Variants in REM1 observed in about 807,000 individuals in gnomAD.
The protein encoded by REM1 is RRAD and GEM like GTPase 1, also known as GTP-binding protein REM 1.
REM1 carries 20 observed loss-of-function variants against 27.0 expected under a neutral mutation model. The observed-to-expected ratio is 0.74, with a 90% CI of 0.52 to 1.08. The LOEUF (loss-of-function observed/expected upper bound fraction) is 1.08. REM1 is among the 50% of genes least tolerant of loss of function. REM1 has a pLI of 0.00. For missense variants in REM1, 405 were observed against 407.0 expected, an observed-to-expected ratio of 1.00 and a Z score of 0.04; for synonymous variants, 159 against 167.9, an observed-to-expected ratio of 0.95 and a Z score of 0.41.
rs1336146999 is a variant in REM1, at chr20:31,475,538, AC to A, written c.-220+176del. Among the ~76,000 whole-genome samples the A allele has an allele frequency of 6.6e-6, 1 of 152,050 alleles. No individual in the cohort carries two copies. Among genetic ancestry groups the A allele is most frequent in the African/African-American group, 2.4e-5 (1 of 41,388 alleles). Reference sequence around the variant, plus strand: ...GAGGGCTGGATAGCCCTGGACAAAGACCCCTCCAACCCCAGGATGGGGGATT... The same window carrying A: ...GAGGGCTGGATAGCCCTGGACAAAGACCCTCCAACCCCAGGATGGGGGATT... On this transcript the variant is annotated intron_variant, in intron 1 of 4. Coordinates refer to ENST00000201979, the MANE Select transcript of REM1 (RefSeq NM_014012.6). The surrounding 1 kb of genome is among the most constrained non-coding windows in gnomAD (Gnocchi z 5.0).
At chr20:31,479,694 T>C (rs901836093) in intron 3 of REM1, among the ~76,000 whole-genome samples, 1 of 152,180 alleles carries the variant, frequency 6.6e-6, no homozygotes, top group Non-Finnish European at 1.5e-5. Flanking sequence ...CGCTACATGG[T>C]ACTCTGATAT....
Position 31,475,781 on chromosome 20 carries a change from G to A in REM1, c.-220+415G>A, listed in dbSNP as rs1053609542. Reference sequence around the variant, plus strand: ...TTCACACAGGGGGCGGGTCAGACACGCGGTTCCCATGGCACTAGGGCACTC... The same window carrying A: ...TTCACACAGGGGGCGGGTCAGACACACGGTTCCCATGGCACTAGGGCACTC... On this transcript the variant is annotated intron_variant, in intron 1 of 4. Coordinates refer to ENST00000201979, the MANE Select transcript of REM1 (RefSeq NM_014012.6). The surrounding 1 kb of genome is among the most constrained non-coding windows in gnomAD (Gnocchi z 5.0). Among the ~76,000 whole-genome samples the A allele has an allele frequency of 6.6e-6, 1 of 152,214 alleles. No homozygotes were observed. The highest frequency in any genetic ancestry group is 2.4e-5 in the African/African-American group (1 of 41,458).
At position 31,476,282 on chromosome 20, in the gene REM1, A is replaced by T; in HGVS notation, c.-164A>T. 1 of 606,496 alleles carries T rather than the reference A, an allele frequency of 1.6e-6. No homozygotes were observed. The highest frequency in any genetic ancestry group is 2.9e-6 in the Non-Finnish European group (1 of 347,084). 37.6% of individuals were successfully genotyped at this position (606,496 alleles called of 1,614,324 possible). A position where few individuals can be genotyped will look rare whatever the true frequency, so the allele number is the denominator to read the frequency against. ...AGGGACTTTCTGCCCCAAGAAGCTG[A>T]GGCACCTCCTACTCCCATCTGAACA... On this transcript the variant is annotated 5_prime_UTR_variant, in exon 2 of 5. Transcript: ENST00000201979.
intron 2 of REM1, 116 bp downstream of exon 2, chr20:31,476,901 G>C: frequency 1.2e-6 from 1 of 845,814 alleles, no homozygotes; most frequent in Non-Finnish European, 1.8e-6. Flanking sequence ...ACTCTAAGGG[G>C]CATCATTCAC....
intron 4 of REM1, 125 bp downstream of exon 4, chr20:31,482,613 G>T: frequency 1.1e-6 from 1 of 935,426 alleles, no homozygotes; most frequent in Non-Finnish European, 1.6e-6. Flanking sequence ...ACTTGCCTAA[G>T]CCTGCAAGCT....
At chr20:31,477,692 G>C (rs1980566401) in intron 2 of REM1, 136 bp from the exon 3 acceptor site, 1 of 635,614 alleles carries the variant, frequency 1.6e-6, no homozygotes, top group African/African-American at 1.8e-5. Flanking sequence ...AGGAGAGACA[G>C]GCATCAAACA....
chr20:31,478,437 G>A (rs532693853), intron 3 of REM1, among the ~76,000 whole-genome samples: 5 of 152,230 alleles, frequency 3.3e-5, no homozygotes, highest in African/African-American at 1.2e-4. Flanking sequence ...GCTGAATAGG[G>A]GTGAAGAATT....
At position 31,482,409 on chromosome 20, in the gene REM1, A is replaced by G; in HGVS notation, c.546A>G (p.Thr182=). Residue 182 remains threonine (T), a synonymous_variant, in exon 4 of 5, where the codon ACA becomes ACG. Coordinates refer to ENST00000201979, the MANE Select transcript of REM1 (RefSeq NM_014012.6). ...ASELRIQLRR[T]HQADHVPIIL... ...AGCTCCGCATCCAGCTGCGGCGCAC[A>G]CATCAGGCAGACCATGTGCCCATCA... is the stretch of plus-strand genomic sequence containing the variant. 1.9e-6 allele frequency: 3 copies of G among 1,614,168 alleles called. No homozygotes were observed. Among genetic ancestry groups the G allele is most frequent in the Non-Finnish European group, 2.5e-6 (3 of 1,180,034 alleles).
rs190565501 is a variant in REM1 at position 31,476,772 on chromosome 20, T to G, written c.327T>G (p.His109Gln). The G allele has an allele frequency of 1.1e-5, 17 of 1,609,782 alleles. No individual in the cohort carries two copies. In the East Asian group the frequency reaches 3.6e-4, roughly 34 times the overall value. Residue 109 changes from histidine (H) to glutamine (Q), a missense_variant, in exon 2 of 5, where the codon CAT becomes CAG. Coordinates refer to ENST00000201979, the MANE Select transcript of REM1 (RefSeq NM_014012.6). ...LFAGKQERDL[H>Q]EQLGEDVYER... The stretch of plus-strand genomic sequence containing the variant: ...CAGGGAAGCAAGAGAGGGACCTCCA[T>G]GAACAGCTGGGAGGTAGGGGCCATA...
In REM1 at chr20:31,484,156, T is replaced by C. The variant is rs1410084237; in HGVS notation, c.626-3T>C. ...CCCTCCTCGCCGGGCCCCGCCCCCT[T>C]AGAGGGCCGCGCCTGCGCTGTGGTG... On this transcript the variant is annotated splice_region_variant and splice_polypyrimidine_tract_variant and intron_variant, in intron 4 of 4. Transcript: ENST00000201979. The C allele has an allele frequency of 3.8e-6, 6 of 1,575,374 alleles. No individual in the cohort carries two copies. The highest frequency in any genetic ancestry group is 5.2e-6 in the Non-Finnish European group (6 of 1,157,588).
rs201429435 is a variant in REM1 at position 31,482,313 on chromosome 20, C to G, written c.450C>G (p.Cys150Trp). The G allele has an allele frequency of 6.2e-7, 1 of 1,614,136 alleles. No homozygotes were observed. The highest frequency in any genetic ancestry group is 2.2e-5 in the East Asian group (1 of 44,876). The change falls in exon 4 of 5, where the codon TGC becomes TGG. Residue 150 changes from cysteine to tryptophan, a missense_variant. By Grantham distance (215) the Cys-to-Trp change is radical. Transcript: ENST00000201979. The stretch of plus-strand genomic sequence containing the variant: ...ATAAAAGCTGGAGCCAGGAGTCATG[C>G]CTGCAGGGGGGCAGTGCCTATGTCA... ...KLDKSWSQES[C>W]LQGGSAYVIV... is the part of the protein sequence containing the mutation.
At chr20:31,478,908 C>T (rs1347722531) in intron 3 of REM1, among the ~76,000 whole-genome samples, 1 of 151,502 alleles carries the variant, frequency 6.6e-6, no homozygotes, top group African/African-American at 2.4e-5. Context: ...CATCTCGGCT[C>T]ACTGCAACCT....
chr20:31,483,119 G>A lies in REM1; in HGVS notation c.625+631G>A, dbSNP rs536829326. On this transcript the variant is annotated intron_variant, in intron 4 of 4. Transcript: ENST00000201979. ...GTTCAAGACCAACCTGGCCAACATG[G>A]TGAAACCCCATCTCTACTAAAAATA... 1.7e-3 allele frequency among the ~76,000 whole-genome samples: 254 copies of A among 152,250 alleles called. 1 individual carries two copies. The highest frequency in any genetic ancestry group is 5.8e-3 in the African/African-American group (240 of 41,546).
At position 31,484,434 on chromosome 20, in the gene REM1, C is replaced by A; in HGVS notation, c.*4C>A. 1 of 1,481,640 alleles carries A rather than the reference C, an allele frequency of 6.7e-7. No homozygotes were observed. Among genetic ancestry groups the A allele is most frequent in the Non-Finnish European group, 9.0e-7 (1 of 1,114,346 alleles). 91.8% of individuals were successfully genotyped at this position (1,481,640 alleles called of 1,614,324 possible). Reference sequence around the variant, plus strand: ...CCACAATCTGGCCGTGCTCTGAAGCCCCCCGCCCTTCTGAGAGTTGGCGGG... The same window carrying A: ...CCACAATCTGGCCGTGCTCTGAAGCACCCCGCCCTTCTGAGAGTTGGCGGG... On this transcript the variant is annotated 3_prime_UTR_variant, in exon 5 of 5. Transcript: ENST00000201979.
At chr20:31,482,599 A>C in intron 4 of REM1, 111 bp downstream of exon 4, 1 of 1,085,020 alleles carries the variant, frequency 9.2e-7, no homozygotes, top group Admixed American at 2.1e-5. Context: ...CCTACCCTGC[A>C]GCCACTTGCC....
intron 4 of REM1, 131 bp downstream of exon 4, chr20:31,482,619 A>AAGAATGGTTCCC: frequency 2.3e-6 from 2 of 877,658 alleles, no homozygotes; most frequent in Non-Finnish European, 3.5e-6. Flanking sequence ...CTAAGCCTGC[A>AAGAATGGTTCCC]AGCTGGGAAC....
chr20:31,480,481 G>A (rs1449840662), intron 3 of REM1, among the ~76,000 whole-genome samples: 4 of 151,898 alleles, frequency 2.6e-5, no homozygotes, highest in South Asian at 2.1e-4. Context: ...CCACCACCAC[G>A]CCCAGCTATT....
chr20:31,484,893 A>G lies in REM1; in HGVS notation c.*463A>G, dbSNP rs924353328. On this transcript the variant is annotated 3_prime_UTR_variant, in exon 5 of 5. Coordinates refer to ENST00000201979, the MANE Select transcript of REM1 (RefSeq NM_014012.6). Reference sequence around the variant, plus strand: ...GGCGCATCAATAAAGTACTTGGACCAGTTTTGTGCTCAGGCCCTTCTCTCA... The same window carrying G: ...GGCGCATCAATAAAGTACTTGGACCGGTTTTGTGCTCAGGCCCTTCTCTCA... 12 of 160,664 alleles carry G rather than the reference A, an allele frequency of 7.5e-5. No homozygotes were observed. Among genetic ancestry groups the G allele is most frequent in the East Asian group, 3.6e-4 (2 of 5,480 alleles). 10.0% of individuals were successfully genotyped at this position (160,664 alleles called of 1,614,324 possible).
At position 31,481,265 on chromosome 20, in the gene REM1, T is replaced by G. The variant is rs143159428; in HGVS notation, c.424-1022T>G. 5.5e-3 allele frequency among the ~76,000 whole-genome samples: 841 copies of G among 152,078 alleles called. 5 individuals carry two copies. The highest frequency in any genetic ancestry group is 0.018 in the African/African-American group (765 of 41,474). ...TCCAGCCTGGGAGACAGAGTAGGAC[T>G]CCATCTCAAAAAAAAGAAAAATGAA... On this transcript the variant is annotated intron_variant, in intron 3 of 4. Coordinates refer to ENST00000201979, the MANE Select transcript of REM1 (RefSeq NM_014012.6).
Sources: gnomAD v4.1 joint callset for allele counts (sites outside exome capture counted in the v4.1 genomes callset) on GRCh38, gnomAD v4.1.1 for gene constraint, Gnocchi (gnomAD v3.1) non-coding constraint, MANE v1.5 for transcripts, NCBI Gene and HGNC (gene_info 2026-07-23, HGNC 2026-07-21) for gene names.